Variants in FBXL2 observed in about 807,000 individuals in gnomAD.
FBXL2 encodes F-box and leucine rich repeat protein 2, also known as F-box/LRR-repeat protein 2.
In FBXL2, 38 loss-of-function variants were observed where a neutral mutation model predicts 69.2. The ratio of observed to expected loss-of-function variants is 0.55; its 90% CI spans 0.42 to 0.72. FBXL2 has a LOEUF of 0.72. Ranked by LOEUF, FBXL2 falls within the 30% of genes least tolerant of loss-of-function variation. The probability of loss-of-function intolerance (pLI) is 0.00; values close to 1 mark genes in which losing one functional copy is unlikely to be tolerated. For missense variants in FBXL2, 354 were observed against 520.3 expected (o/e 0.68, Z 3.11); for synonymous variants, 192 against 201.3 (o/e 0.95, Z 0.39).
intron 2 of FBXL2, chr3:33,300,611 A>C (rs1416223846): frequency 6.6e-6 from 1 of 152,076 alleles, no homozygotes; most frequent in East Asian, 1.9e-4. Context: ...ATGTATTTTA[A>C]TTTAAGAATT....
rs535100161 is a variant in FBXL2, at chr3:33,301,860, G to T, written c.65+4135G>T. ...TCACATTGTTATTGTCCATATTACT[G>T]TTGGAATCAGACTTTCTGGGTTCAG... On this transcript the variant is annotated intron_variant, in intron 2 of 14. Coordinates refer to ENST00000484457, the MANE Select transcript of FBXL2 (RefSeq NM_012157.5). Among the ~76,000 whole-genome samples the T allele has an allele frequency of 5.3e-5, 8 of 152,152 alleles. No individual in the cohort carries two copies. The South Asian group carries it at 1.7e-3, about 32-fold the overall frequency.
intron 1 of FBXL2, among the ~76,000 whole-genome samples, chr3:33,284,097 G>C (rs1410854182): frequency 1.3e-5 from 2 of 152,142 alleles, no homozygotes; most frequent in East Asian, 3.8e-4. Context: ...GCTAGCTTTT[G>C]AATGTGTTTG....
chr3:33,320,500 T>C (rs1559536669), intron 2 of FBXL2, among the ~76,000 whole-genome samples: 2 of 151,826 alleles, frequency 1.3e-5, no homozygotes, highest in Non-Finnish European at 2.9e-5. Context: ...TTTTTTTTTT[T>C]AGACGGAGTC....
chr3:33,312,277 C>A (rs1314673890), intron 2 of FBXL2, among the ~76,000 whole-genome samples: 1 of 151,980 alleles, frequency 6.6e-6, no homozygotes, highest in Non-Finnish European at 1.5e-5. Flanking sequence ...AGGCTGGTCT[C>A]CAACTCCTGG....
At chr3:33,313,679 C>T (rs993307678) in intron 2 of FBXL2, among the ~76,000 whole-genome samples, 2 of 151,306 alleles carry the variant, frequency 1.3e-5, no homozygotes, top group South Asian at 4.1e-4. Flanking sequence ...AACTCCTGGC[C>T]TCAAGCCATC....
intron 1 of FBXL2, among the ~76,000 whole-genome samples, chr3:33,282,396 A>G (rs2125671115): frequency 6.6e-6 from 1 of 152,134 alleles, no homozygotes; most frequent in East Asian, 1.9e-4. Context: ...GTTCTGTTCC[A>G]TTGGTGTATA....
At chr3:33,287,114 G>T (rs774970300) in intron 1 of FBXL2, among the ~76,000 whole-genome samples, 2 of 152,208 alleles carry the variant, frequency 1.3e-5, no homozygotes, top group African/African-American at 4.8e-5. Flanking sequence ...CACGCTGGGA[G>T]CTATAGACTG....
In FBXL2 at chr3:33,373,608, C is replaced by CCA; in HGVS notation, c.487_488insAC (p.Leu163HisfsTer23). ...GCTGCCGAAACCTGGAGTACCTGAA[C>CCA]CTCTCTTGGTGTGATCAGATCACGA... On this transcript the variant is annotated frameshift_variant, in exon 8 of 15. Transcript: ENST00000484457. LOFTEE classifies it high-confidence loss of function. 6.2e-7 allele frequency: 1 copy of CCA among 1,614,180 alleles called. No homozygotes were observed.
intron 2 of FBXL2, among the ~76,000 whole-genome samples, chr3:33,329,648 T>G (rs2038996481): frequency 6.6e-6 from 1 of 152,112 alleles, no homozygotes; most frequent in South Asian, 2.1e-4. Flanking sequence ...TTAAGTGAAA[T>G]AAGCCAAGTA....
chr3:33,390,387 CAG>C, downstream of FBXL2: 12 of 1,568,028 alleles, frequency 7.7e-6, no homozygotes, highest in Non-Finnish European at 1.0e-5. Flanking sequence ...AAAGGAAAGA[CAG>C]TATTTCTTCA....
At chr3:33,412,909 C>A in the FBXL2 span, 1 of 895,488 alleles carries the variant, frequency 1.1e-6, no homozygotes, top group African/African-American at 1.6e-5. Flanking sequence ...TATGTGTTAA[C>A]CTGTAGCAGT....
intron 2 of FBXL2, among the ~76,000 whole-genome samples, chr3:33,313,612 A>ATCGTT (rs2037408454): frequency 8.4e-6 from 1 of 119,526 alleles, no homozygotes. Context: ...TGCTCAGATA[A>ATCGTT]TTGTTTTATT....
chr3:33,409,256 C>T, the FBXL2 span: 4 of 1,613,954 alleles, frequency 2.5e-6, no homozygotes, highest in East Asian at 8.9e-5. Context: ...ATTGTGGTAT[C>T]ATAGGACGGC....
the FBXL2 span, chr3:33,416,857 A>G: frequency 6.9e-6 from 11 of 1,585,036 alleles, no homozygotes; most frequent in East Asian, 2.2e-4. Flanking sequence ...ATTGTGTATA[A>G]AAAACAATCC....
intron 2 of FBXL2, among the ~76,000 whole-genome samples, chr3:33,306,231 C>T (rs3884513): frequency 0.27 from 40,854 of 151,472 alleles, 6,643 homozygotes; most frequent in East Asian, 0.48. Flanking sequence ...ACCGCTTTTG[C>T]TTCTTTGACC....
At chr3:33,418,720 G>A in the FBXL2 span, among the ~76,000 whole-genome samples, 1 of 151,716 alleles carries the variant, frequency 6.6e-6, no homozygotes, top group Admixed American at 6.6e-5. Context: ...TTAGCTGGGC[G>A]TGGTGGTGCA....
downstream of FBXL2, among the ~76,000 whole-genome samples, chr3:33,408,309 A>ATTTCTTTAGT (rs1285948387): frequency 2.0e-5 from 3 of 152,218 alleles, no homozygotes; most frequent in Non-Finnish European, 4.4e-5. Flanking sequence ...CAGTTACACA[A>ATTTCTTTAGT]AAATAATAGC....
At chr3:33,420,491 T>C in the FBXL2 span, among the ~76,000 whole-genome samples, 1 of 148,810 alleles carries the variant, frequency 6.7e-6, no homozygotes, top group African/African-American at 2.5e-5. Flanking sequence ...ATACTGGCTT[T>C]TTTTTTTTTT....
intron 2 of FBXL2, among the ~76,000 whole-genome samples, chr3:33,342,105 C>T (rs2040072758): frequency 6.7e-6 from 1 of 148,276 alleles, no homozygotes; most frequent in African/African-American, 2.5e-5. Context: ...TCCAGGTTCA[C>T]GCCATTCTCC....
Sources: gnomAD v4.1 joint callset for allele counts (sites outside exome capture counted in the v4.1 genomes callset) on GRCh38, gnomAD v4.1.1 for gene constraint, MANE v1.5 for transcripts, NCBI Gene and HGNC (gene_info 2026-07-23, HGNC 2026-07-21) for gene names.